SPIRE1: variants seen among roughly 807,000 people sequenced by gnomAD.
SPIRE1 encodes spire type actin nucleation factor 1.
In SPIRE1, 40 loss-of-function variants were observed where a neutral mutation model predicts 94.1. The ratio of observed to expected loss-of-function variants is 0.43; its 90% CI spans 0.33 to 0.55. SPIRE1 has a LOEUF of 0.55. SPIRE1 is among the 20% of genes least tolerant of loss of function. The probability of loss-of-function intolerance (pLI) is 0.06; values close to 1 mark genes in which losing one functional copy is unlikely to be tolerated. For synonymous variants in SPIRE1, 376 were observed against 371.7 expected, an observed-to-expected ratio of 1.01 and a Z score of -0.13; for missense variants, 838 against 975.2, an observed-to-expected ratio of 0.86 and a Z score of 1.87.
rs965986665 is a variant in SPIRE1 at position 12,559,488 on chromosome 18, G to A, written c.373-12584C>T. Among the ~76,000 whole-genome samples, 1 of 152,172 alleles carries A rather than the reference G, an allele frequency of 6.6e-6. No homozygotes were observed. On this transcript the variant is annotated intron_variant, in intron 2 of 16. Coordinates refer to ENST00000409402, the MANE Select transcript of SPIRE1 (RefSeq NM_001128626.2). The surrounding 1 kb of genome is among the most constrained non-coding windows in gnomAD (Gnocchi z 4.7). Reference sequence around the variant, plus strand: ...CCTCTCCCTCCACACCTCCCTGCAAGCAGAGGGAGCCGGCTCCGGCTTTGG... The same window carrying A: ...CCTCTCCCTCCACACCTCCCTGCAAACAGAGGGAGCCGGCTCCGGCTTTGG...
intron 5 of SPIRE1, among the ~76,000 whole-genome samples, chr18:12,509,762 T>C (rs1463327061): frequency 6.6e-6 from 1 of 152,074 alleles, no homozygotes; most frequent in African/African-American, 2.4e-5. Flanking sequence ...AAAACAATTA[T>C]GAAGAGTGAA....
At chr18:12,574,647 C>T (rs1043663449) in intron 2 of SPIRE1, among the ~76,000 whole-genome samples, 1 of 152,164 alleles carries the variant, frequency 6.6e-6, no homozygotes, top group African/African-American at 2.4e-5. Context: ...GGGCTAGGAA[C>T]ATACAGTGGG....
At chr18:12,523,950 A>AT (rs925760073) in intron 4 of SPIRE1, among the ~76,000 whole-genome samples, 1 of 152,152 alleles carries the variant, frequency 6.6e-6, no homozygotes, top group Non-Finnish European at 1.5e-5. Flanking sequence ...TAAAGTATGT[A>AT]TTTTTTTGAT....
chr18:12,626,480 C>T (rs375500600), intron 2 of SPIRE1, among the ~76,000 whole-genome samples: 9 of 152,260 alleles, frequency 5.9e-5, no homozygotes, highest in South Asian at 2.1e-4. Context: ...TCATGGACTG[C>T]GTTAACACTT....
chr18:12,527,487 T>TGGGCTTAG (rs1277386245), intron 4 of SPIRE1, among the ~76,000 whole-genome samples: 1 of 152,206 alleles, frequency 6.6e-6, no homozygotes, highest in African/African-American at 2.4e-5. Context: ...GTAGGTTGTC[T>TGGGCTTAG]GGGCTTAGAG....
intron 2 of SPIRE1, among the ~76,000 whole-genome samples, chr18:12,606,529 T>C (rs1312822321): frequency 7.9e-6 from 1 of 127,198 alleles, no homozygotes; most frequent in Non-Finnish European, 1.6e-5. Context: ...TCTTTAATTA[T>C]CTGATTTTTT....
intron 2 of SPIRE1, among the ~76,000 whole-genome samples, chr18:12,610,504 T>A (rs2037108272): frequency 6.6e-6 from 1 of 152,176 alleles, no homozygotes; most frequent in Non-Finnish European, 1.5e-5. Context: ...TGTAATAATT[T>A]GCCCTTCAAT....
intron 2 of SPIRE1, among the ~76,000 whole-genome samples, chr18:12,565,651 G>A (rs1039330612): frequency 6.6e-6 from 1 of 151,880 alleles, no homozygotes; most frequent in African/African-American, 2.4e-5. Flanking sequence ...TGGGATTACA[G>A]GTGTGAGCCA....
intron 2 of SPIRE1, among the ~76,000 whole-genome samples, chr18:12,573,403 A>G (rs1442020585): frequency 1.3e-5 from 2 of 152,218 alleles, no homozygotes; most frequent in African/African-American, 4.8e-5. Context: ...TTTGGGGGAC[A>G]ATTTAGCAGT....
intron 2 of SPIRE1, among the ~76,000 whole-genome samples, chr18:12,557,056 A>C (rs1311296111): frequency 6.6e-6 from 1 of 152,134 alleles, no homozygotes. Flanking sequence ...CCAAGTCCCC[A>C]CCCGACTCAG....
At position 12,521,646 on chromosome 18, in the gene SPIRE1, T is replaced by C. The variant is rs1457934805; in HGVS notation, c.730-9115A>G. Among the ~76,000 whole-genome samples the C allele has an allele frequency of 2.0e-5, 3 of 152,290 alleles. No individual in the cohort carries two copies. In the East Asian group the frequency reaches 5.8e-4, roughly 29 times the overall value. On this transcript the variant is annotated intron_variant, in intron 4 of 16. Coordinates refer to ENST00000409402, the MANE Select transcript of SPIRE1 (RefSeq NM_001128626.2). ...ACCCCATGCCTGGCCAGATATCGTG[T>C]TTTTACAAATTGAAGGTTTGCAGCA... is the stretch of plus-strand genomic sequence containing the variant.
intron 1 of SPIRE1, among the ~76,000 whole-genome samples, chr18:12,657,198 GC>G (rs2144920095): frequency 6.6e-6 from 1 of 151,098 alleles, no homozygotes; most frequent in South Asian, 2.1e-4. Context: ...GCAGGGCCCA[GC>G]CCACCGCTCC....
chr18:12,607,496 T>C (rs1221087481), intron 2 of SPIRE1, among the ~76,000 whole-genome samples: 1 of 151,902 alleles, frequency 6.6e-6, no homozygotes, highest in Non-Finnish European at 1.5e-5. Context: ...TGGGTGTGGG[T>C]TTTGACAACA....
At chr18:12,482,142 G>C (rs916508927) in intron 9 of SPIRE1, among the ~76,000 whole-genome samples, 4 of 152,056 alleles carry the variant, frequency 2.6e-5, no homozygotes, top group African/African-American at 9.7e-5. Flanking sequence ...AAATAGTTTT[G>C]GCAGTTATTT....
At chr18:12,617,270 A>G (rs1358948770) in intron 2 of SPIRE1, among the ~76,000 whole-genome samples, 4 of 149,736 alleles carry the variant, frequency 2.7e-5, no homozygotes, top group Non-Finnish European at 5.9e-5. Flanking sequence ...GCTGGAGTGC[A>G]GTGGTGTGAT....
chr18:12,653,634 C>G (rs1269373631), intron 1 of SPIRE1, among the ~76,000 whole-genome samples: 1 of 152,222 alleles, frequency 6.6e-6, no homozygotes, highest in Non-Finnish European at 1.5e-5. Flanking sequence ...AATCACTTAA[C>G]TTCCCTAAAC....
chr18:12,652,316 C>T (rs185892004), intron 1 of SPIRE1, among the ~76,000 whole-genome samples: 47 of 152,258 alleles, frequency 3.1e-4, no homozygotes, highest in African/African-American at 1.1e-3. Flanking sequence ...CTTAATTAAG[C>T]GTGTGAAAGT....
chr18:12,457,275 A>G (rs1409514701), intron 12 of SPIRE1, among the ~76,000 whole-genome samples: 1 of 152,248 alleles, frequency 6.6e-6, no homozygotes, highest in African/African-American at 2.4e-5. Context: ...CCCAAGGACA[A>G]CAAAACTTTA....
intron 2 of SPIRE1, among the ~76,000 whole-genome samples, chr18:12,584,866 G>A (rs566904354): frequency 2.3e-4 from 35 of 152,164 alleles, no homozygotes; most frequent in African/African-American, 7.7e-4. Flanking sequence ...TGCAACCTCC[G>A]CCTCCTGGGT....
Sources: allele counts gnomAD v4.1 joint callset (sites outside exome capture counted in the v4.1 genomes callset), GRCh38; gene constraint gnomAD v4.1.1; non-coding constraint Gnocchi (gnomAD v3.1); transcripts MANE v1.5; gene names NCBI Gene and HGNC (gene_info 2026-07-23, HGNC 2026-07-21).